UBR3: variants seen among roughly 807,000 people sequenced by gnomAD.
UBR3 encodes the protein ubiquitin protein ligase E3 component n-recognin 3, also known as E3 ubiquitin-protein ligase UBR3.
Under a neutral mutation model 243.2 loss-of-function variants are expected in UBR3, and 85 were observed. The observed-to-expected ratio is 0.35, with a 90% CI of 0.29 to 0.42. The LOEUF (loss-of-function observed/expected upper bound fraction) is 0.42. UBR3 is among the 10% of genes least tolerant of loss of function. The pLI is 1.00. For synonymous variants in UBR3, 748 were observed against 799.8 expected, an observed-to-expected ratio of 0.94 and a Z score of 1.09; for missense variants, 1,686 against 2,300.8, an observed-to-expected ratio of 0.73 and a Z score of 5.47.
chr2:169,946,200 C>T (rs1388081695), intron 20 of UBR3, 88 bp from the exon 21 acceptor site: 6 of 749,386 alleles, frequency 8.0e-6, no homozygotes, highest in Non-Finnish European at 1.3e-5. Flanking sequence ...TACTTTTCGT[C>T]TAGAACAGTA....
chr2:169,896,358 T>A lies in UBR3; in HGVS notation c.1237-149T>A, dbSNP rs898464393. On this transcript the variant is annotated intron_variant, in intron 7 of 38. Coordinates refer to ENST00000272793, the MANE Select transcript of UBR3 (RefSeq NM_172070.4). ...CAAATGTTCCAAAAAAGTGAAAGAC[T>A]ACCTCACCATCGAGATTTTTTTTAA... is the stretch of plus-strand genomic sequence containing the variant. 9.4e-6 allele frequency: 5 copies of A among 531,902 alleles called. 1 individual carries two copies. Among genetic ancestry groups the A allele is most frequent in the Admixed American group, 3.8e-5 (1 of 26,238 alleles). 32.9% of individuals were successfully genotyped at this position (531,902 alleles called of 1,614,324 possible).
At chr2:169,843,133 C>T (rs1045137103) in intron 1 of UBR3, among the ~76,000 whole-genome samples, 1 of 152,192 alleles carries the variant, frequency 6.6e-6, no homozygotes, top group African/African-American at 2.4e-5. Flanking sequence ...TCCACATTTT[C>T]AGGTATTTAT....
chr2:169,993,704 T>A (rs7603532), intron 25 of UBR3, among the ~76,000 whole-genome samples: 41,449 of 152,122 alleles, frequency 0.27, 5,878 homozygotes, highest in East Asian at 0.42. Flanking sequence ...TAGTAGGTAA[T>A]CTATAGGATG....
Position 169,827,514 on chromosome 2 carries a change from G to A in UBR3, c.7G>A (p.Ala3Thr). MA[A>T]AAAAAVGGQQ... ...CAAATTCTGAGCTCTCATCATGGCG[G>A]CGGCGGCCGCGGCGGCCGTCGGGGG... Residue 3 changes from alanine (A) to threonine (T), a missense_variant, in exon 1 of 39, where the codon GCG (alanine) becomes ACG (threonine). Transcript: ENST00000272793. The A allele has an allele frequency of 8.2e-7, 1 of 1,224,776 alleles. No individual in the cohort carries two copies. Among genetic ancestry groups the A allele is most frequent in the Non-Finnish European group, 1.0e-6 (1 of 982,896 alleles). 75.9% of individuals were successfully genotyped at this position (1,224,776 alleles called of 1,614,324 possible).
At chr2:169,953,083 A>G (rs1395988101) in intron 23 of UBR3, among the ~76,000 whole-genome samples, 1 of 152,216 alleles carries the variant, frequency 6.6e-6, no homozygotes, top group Non-Finnish European at 1.5e-5. Flanking sequence ...ATTACTAATA[A>G]TGTGATACTG....
chr2:169,958,370 CT>C (rs2087408811), intron 23 of UBR3, 67 bp from the exon 24 acceptor site: 1 of 1,395,524 alleles, frequency 7.2e-7, no homozygotes. Flanking sequence ...ACATTATATA[CT>C]CCTGAAATAT....
rs945093098 is a variant in UBR3, at chr2:170,021,995, A to G, written c.4453+6629A>G. Among the ~76,000 whole-genome samples, 3 of 152,218 alleles carry G rather than the reference A, an allele frequency of 2.0e-5. 1 individual carries two copies. The highest frequency in any genetic ancestry group is 4.2e-4 in the South Asian group (2 of 4,810). ...CTTTCTTCTGCAGTTAGATAGGACA[A>G]ACTCTACCCCCATTTTAAACGAGGT... On this transcript the variant is annotated intron_variant, in intron 30 of 38. Coordinates refer to ENST00000272793, the MANE Select transcript of UBR3 (RefSeq NM_172070.4).
intron 26 of UBR3, among the ~76,000 whole-genome samples, chr2:170,001,022 T>C (rs1574371918): frequency 1.3e-5 from 2 of 152,318 alleles, no homozygotes; most frequent in South Asian, 2.1e-4. Flanking sequence ...AGTGTAATAT[T>C]GAGAGCATAT....
At position 170,063,250 on chromosome 2, in the gene UBR3, C is replaced by T. The variant is rs192729027; in HGVS notation, c.5019+1807C>T. ...TCATACTATACTTGTTTCTTGAGAC[C>T]GAGAGACATGAACTTTTAGGGAAAA... On this transcript the variant is annotated intron_variant, in intron 35 of 38. Coordinates refer to ENST00000272793, the MANE Select transcript of UBR3 (RefSeq NM_172070.4). Among the ~76,000 whole-genome samples, 572 of 152,004 alleles carry T rather than the reference C, an allele frequency of 3.8e-3. 5 individuals carry two copies. The highest frequency in any genetic ancestry group is 0.013 in the African/African-American group (536 of 41,444).
intron 8 of UBR3, 30 bp downstream of exon 8, chr2:169,896,765 T>C (rs1191883714): frequency 6.9e-7 from 1 of 1,441,256 alleles, no homozygotes; most frequent in Non-Finnish European, 9.5e-7. Context: ...ACTAGTTCTA[T>C]TATTATCAGT....
chr2:169,959,344 T>C (rs1162165355), intron 24 of UBR3, among the ~76,000 whole-genome samples: 1 of 149,914 alleles, frequency 6.7e-6, no homozygotes, highest in Non-Finnish European at 1.5e-5. Flanking sequence ...AGAATACAGA[T>C]TGAGCACCCC....
chr2:170,002,384 C>G (rs988633727), intron 27 of UBR3, among the ~76,000 whole-genome samples: 1 of 152,130 alleles, frequency 6.6e-6, no homozygotes, highest in African/African-American at 2.4e-5. Context: ...TGATCAGTTC[C>G]CTCTCCCATT....
chr2:170,079,224 AT>A (rs1391521453), intron 36 of UBR3, among the ~76,000 whole-genome samples: 1 of 152,134 alleles, frequency 6.6e-6, no homozygotes, highest in Non-Finnish European at 1.5e-5. Context: ...TAATTTGACA[AT>A]TTTTTTATTC....
chr2:169,865,469 A>G (rs937019194), intron 1 of UBR3, among the ~76,000 whole-genome samples: 8 of 152,178 alleles, frequency 5.3e-5, no homozygotes, highest in Non-Finnish European at 1.0e-4. Context: ...TTTAATCTCC[A>G]GTCTTCTGAT....
chr2:169,943,621 A>T (rs2086674744), intron 20 of UBR3, among the ~76,000 whole-genome samples: 1 of 152,202 alleles, frequency 6.6e-6, no homozygotes, highest in Non-Finnish European at 1.5e-5. Flanking sequence ...GAAAGATGAA[A>T]GAAAAAAGAA....
chr2:170,029,354 T>C lies in UBR3; in HGVS notation c.4462T>C (p.Phe1488Leu), dbSNP rs761466134. ...TTCTTCAATTTTTTCAGATCAGCTG[T>C]TTCATGTATTAGCCTTGCACATGCG... Reference protein sequence around the residue: ...AGKRSCLNQLFHVLALHMRLY... With the variant: ...AGKRSCLNQLLHVLALHMRLY... Residue 1488 changes from phenylalanine to leucine, a missense_variant, in exon 31 of 39, where the codon TTT becomes CTT. Transcript: ENST00000272793. The C allele has an allele frequency of 1.9e-6, 3 of 1,602,032 alleles. No individual in the cohort carries two copies. Among genetic ancestry groups the C allele is most frequent in the South Asian group, 1.1e-5 (1 of 88,074 alleles).
intron 2 of UBR3, among the ~76,000 whole-genome samples, chr2:169,875,059 A>G (rs1461447678): frequency 6.6e-6 from 1 of 151,412 alleles, no homozygotes; most frequent in African/African-American, 2.4e-5. Context: ...AATTATTCAT[A>G]TTTATGAAAA....
chr2:170,031,202 C>G (rs2090658161), intron 31 of UBR3, among the ~76,000 whole-genome samples: 1 of 152,092 alleles, frequency 6.6e-6, no homozygotes, highest in South Asian at 2.1e-4. Context: ...CTCAGCCTCT[C>G]CCGTGTTGCT....
intron 1 of UBR3, among the ~76,000 whole-genome samples, chr2:169,838,034 C>T (rs1331808954): frequency 6.6e-6 from 1 of 152,124 alleles, no homozygotes; most frequent in Non-Finnish European, 1.5e-5. Context: ...TATTATTAGT[C>T]TTCAAAAGGG....
Sources: gnomAD v4.1 joint callset for allele counts (sites outside exome capture counted in the v4.1 genomes callset) on GRCh38, gnomAD v4.1.1 for gene constraint, MANE v1.5 for transcripts, NCBI Gene and HGNC (gene_info 2026-07-23, HGNC 2026-07-21) for gene names.